Variants in EMP2 observed in about 807,000 individuals in gnomAD.
EMP2 encodes epithelial membrane protein 2.
Under a neutral mutation model 13.7 loss-of-function variants are expected in EMP2, and 19 were observed. The observed-to-expected ratio is 1.38, with a 90% CI of 0.97 to 2.03. The LOEUF (loss-of-function observed/expected upper bound fraction) is 2.03, where lower values mean the gene tolerates loss of function less well. Among genes scored for constraint, EMP2 ranks in the 30% most tolerant of loss-of-function variants. The pLI is 0.00. For missense variants in EMP2, 253 were observed against 220.7 expected, an observed-to-expected ratio of 1.15 and a Z score of -0.93; for synonymous variants, 97 against 84.7, an observed-to-expected ratio of 1.15 and a Z score of -0.80.
chr16:10,553,138 A>T (rs1325442714), intron 1 of EMP2, among the ~76,000 whole-genome samples: 1 of 152,216 alleles, frequency 6.6e-6, no homozygotes, highest in African/African-American at 2.4e-5. Context: ...AGTAGCGGAA[A>T]TCCCCCGAAT....
chr16:10,539,067 G>A (rs1292469197), intron 3 of EMP2, among the ~76,000 whole-genome samples: 1 of 152,010 alleles, frequency 6.6e-6, no homozygotes, highest in Non-Finnish European at 1.5e-5. Flanking sequence ...CTTCCTCATC[G>A]GGCTAGGAAG....
At chr16:10,561,346 T>C (rs2050869840) in intron 1 of EMP2, among the ~76,000 whole-genome samples, 1 of 152,176 alleles carries the variant, frequency 6.6e-6, no homozygotes, top group South Asian at 2.1e-4. Flanking sequence ...GAAAACGGGC[T>C]AGAACCAGGA....
chr16:10,540,954 G>C (rs1038475194), intron 3 of EMP2, among the ~76,000 whole-genome samples: 2 of 152,104 alleles, frequency 1.3e-5, no homozygotes, highest in Non-Finnish European at 2.9e-5. Context: ...CAGGTGTGGT[G>C]GCACACACCC....
Position 10,530,412 on chromosome 16 carries a change from C to G in EMP2, c.*2493G>C, listed in dbSNP as rs771651615. The G allele has an allele frequency of 6.6e-6, 1 of 152,610 alleles. No homozygotes were observed. Among genetic ancestry groups the G allele is most frequent in the African/African-American group, 2.4e-5 (1 of 41,442 alleles). 9.5% of individuals were successfully genotyped at this position (152,610 alleles called of 1,614,324 possible). A position where few individuals can be genotyped will look rare whatever the true frequency, so the allele number is the denominator to read the frequency against. ...CAAACCAGATGTCTCTTCAGCTCCACTGGAACTGAGCTGATGGCAAACCAC... is the reference window on the plus strand; with the variant it reads ...CAAACCAGATGTCTCTTCAGCTCCAGTGGAACTGAGCTGATGGCAAACCAC... On this transcript the variant is annotated 3_prime_UTR_variant, in exon 5 of 5. Coordinates refer to ENST00000359543, the MANE Select transcript of EMP2 (RefSeq NM_001424.6).
At chr16:10,533,988 G>T (rs1158898665) in intron 4 of EMP2, among the ~76,000 whole-genome samples, 5 of 151,986 alleles carry the variant, frequency 3.3e-5, no homozygotes, top group African/African-American at 4.8e-5. Flanking sequence ...GGTGGTAGGT[G>T]CCTGTAATCC....
chr16:10,577,349 TG>T (rs1400531617), intron 1 of EMP2, among the ~76,000 whole-genome samples: 1 of 152,140 alleles, frequency 6.6e-6, no homozygotes, highest in African/African-American at 2.4e-5. Flanking sequence ...TCTGCTCAGG[TG>T]TCAGGTTACC....
At chr16:10,552,625 T>C (rs1280313198) in intron 1 of EMP2, among the ~76,000 whole-genome samples, 1 of 152,244 alleles carries the variant, frequency 6.6e-6, no homozygotes, top group Non-Finnish European at 1.5e-5. Context: ...TTTATTGTAT[T>C]TATTTTTAAC....
At chr16:10,541,335 G>A (rs2050697061) in intron 3 of EMP2, among the ~76,000 whole-genome samples, 1 of 152,178 alleles carries the variant, frequency 6.6e-6, no homozygotes, top group Admixed American at 6.5e-5. Flanking sequence ...TAGAGGGACA[G>A]ACAGTGAATA....
At chr16:10,543,855 C>CT (rs992237488) in intron 2 of EMP2, among the ~76,000 whole-genome samples, 195 bp from the exon 3 acceptor site, 8 of 152,010 alleles carry the variant, frequency 5.3e-5, no homozygotes, top group Admixed American at 2.6e-4. Context: ...GCATTTCTTT[C>CT]TTTTCTATTT....
At chr16:10,570,657 C>G (rs138376025) in intron 1 of EMP2, among the ~76,000 whole-genome samples, 10,034 of 152,208 alleles carry the variant, frequency 0.066, 495 homozygotes, top group South Asian at 0.2. Context: ...CTCGGCCTCC[C>G]AAAGTGCTGG....
intron 3 of EMP2, among the ~76,000 whole-genome samples, chr16:10,542,040 G>A (rs147025282): frequency 2.0e-5 from 3 of 152,236 alleles, no homozygotes; most frequent in African/African-American, 7.2e-5. Context: ...TCCCTAATAG[G>A]ATTGTCAGAT....
intron 2 of EMP2, chr16:10,546,434 T>C (rs899569775): frequency 1.3e-5 from 2 of 152,234 alleles, no homozygotes; most frequent in African/African-American, 2.4e-5. Flanking sequence ...TCCAATACAT[T>C]CCTGCCATAT....
At chr16:10,533,330 G>A (rs933341890) in intron 4 of EMP2, among the ~76,000 whole-genome samples, 2 of 152,124 alleles carry the variant, frequency 1.3e-5, no homozygotes, top group Non-Finnish European at 2.9e-5. Context: ...GAGCCACCGC[G>A]TGCAGCCTTA....
intron 3 of EMP2, among the ~76,000 whole-genome samples, chr16:10,539,451 G>GAC (rs747027263): frequency 4.6e-5 from 7 of 152,124 alleles, no homozygotes; most frequent in Non-Finnish European, 1.0e-4. Context: ...CCCCCACTAT[G>GAC]ACACACACCA....
chr16:10,555,623 T>C (rs2142193026), intron 1 of EMP2, among the ~76,000 whole-genome samples: 1 of 152,304 alleles, frequency 6.6e-6, no homozygotes, highest in South Asian at 2.1e-4. Context: ...AGTTTTGTTT[T>C]TTTTCCCAGG....
At chr16:10,552,954 G>C (rs1040387996) in intron 1 of EMP2, among the ~76,000 whole-genome samples, 1 of 152,180 alleles carries the variant, frequency 6.6e-6, no homozygotes, top group Non-Finnish European at 1.5e-5. Flanking sequence ...GGCAGTTAGA[G>C]GTTGGTTTCA....
chr16:10,558,724 C>T (rs1354174638), intron 1 of EMP2, among the ~76,000 whole-genome samples: 2 of 152,056 alleles, frequency 1.3e-5, no homozygotes, highest in African/African-American at 2.4e-5. Context: ...CACCCGTGAG[C>T]CCCATCCCCT....
rs1223537058 is a variant in EMP2 at position 10,538,081 on chromosome 16, G to A, written c.170-7C>T. ...GCCTGCAGCGTGGAGTACTCTGCGGGAAAAGGGCAGGGGCGCAGGACTGAG... is the reference window on the plus strand; with the variant it reads ...GCCTGCAGCGTGGAGTACTCTGCGGAAAAAGGGCAGGGGCGCAGGACTGAG... On this transcript the variant is annotated splice_polypyrimidine_tract_variant and splice_region_variant and intron_variant, in intron 3 of 4. Transcript: ENST00000359543. 1 of 1,613,186 alleles carries A rather than the reference G, an allele frequency of 6.2e-7. No homozygotes were observed. The highest frequency in any genetic ancestry group is 2.2e-5 in the East Asian group (1 of 44,868).
chr16:10,556,409 G>A (rs970066353), intron 1 of EMP2, among the ~76,000 whole-genome samples: 2 of 152,186 alleles, frequency 1.3e-5, no homozygotes, highest in African/African-American at 4.8e-5. Flanking sequence ...TCTCTCTCCT[G>A]ACTCTGCCTT....
Sources: gnomAD v4.1 joint callset for allele counts (sites outside exome capture counted in the v4.1 genomes callset) on GRCh38, gnomAD v4.1.1 for gene constraint, MANE v1.5 for transcripts, NCBI Gene and HGNC (gene_info 2026-07-23, HGNC 2026-07-21) for gene names.